RIIAD1: variants seen among roughly 807,000 people sequenced by gnomAD.
The protein encoded by RIIAD1 is regulatory subunit of type II PKA R-subunit domain containing 1.
Under a neutral mutation model 13.3 loss-of-function variants are expected in RIIAD1, and 15 were observed. The observed-to-expected ratio is 1.13, with a 90% confidence interval of 0.76 to 1.74. The LOEUF (loss-of-function observed/expected upper bound fraction) is 1.74, where lower values mean the gene tolerates loss of function less well. RIIAD1 is among the 40% of genes most tolerant of loss of function. RIIAD1 has a pLI of 0.00. For missense variants in RIIAD1, 121 were observed against 112.2 expected, an observed-to-expected ratio of 1.08 and a Z score of -0.35; for synonymous variants, 50 against 43.3, an observed-to-expected ratio of 1.16 and a Z score of -0.61.
At chr1:151,716,474 A>C in intron 4 of RIIAD1, 1 of 307,336 alleles carries the variant, frequency 3.3e-6, no homozygotes, top group Non-Finnish European at 6.5e-6. Flanking sequence ...GGTTGCCAGC[A>C]GCGTCAGTAA....
At chr1:151,719,479 A>G (rs1019891149), upstream of RIIAD1, 10 of 594,922 alleles carry the variant, frequency 1.7e-5, no homozygotes, top group African/African-American at 1.5e-4. Flanking sequence ...TTAGATTCTT[A>G]GGAAATGAGA....
chr1:151,719,574 T>C (rs1027955621), upstream of RIIAD1: 33 of 701,194 alleles, frequency 4.7e-5, 1 homozygote, highest in Admixed American at 6.4e-4. Flanking sequence ...AAGTACTTAC[T>C]GGCTTCCCTG....
chr1:151,721,545 G>T lies in RIIAD1; in HGVS notation c.9G>T (p.Thr3=). Residue 3 remains threonine (T), a synonymous_variant, in exon 1 of 5, where the codon ACG becomes ACT. Coordinates refer to ENST00000479191, the MANE Select transcript of RIIAD1 (RefSeq NM_001144956.3). ...TTGACGACCGCAGCAAGATGGAGAC[G>T]CTGCCAGGCTTGCTGCAGCGGCCCG... The part of the protein sequence containing the change: ME[T]LPGLLQRPDP... 7.6e-7 allele frequency: 1 copy of T among 1,324,262 alleles called. No individual in the cohort carries two copies. The highest frequency in any genetic ancestry group is 9.7e-7 in the Non-Finnish European group (1 of 1,035,772). 82.0% of individuals were successfully genotyped at this position (1,324,262 alleles called of 1,614,324 possible). A position where few individuals can be genotyped will look rare whatever the true frequency, so the allele number is the denominator to read the frequency against.
chr1:151,715,863 C>T, intron 4 of RIIAD1: 1 of 1,608,156 alleles, frequency 6.2e-7, no homozygotes, highest in Non-Finnish European at 8.5e-7. Context: ...CTTCAGCCTG[C>T]CCGACCCCTC....
intron 1 of RIIAD1, 39 bp from the exon 2 acceptor site, chr1:151,722,047 G>A (rs1413866481): frequency 1.4e-6 from 2 of 1,411,520 alleles, no homozygotes; most frequent in Non-Finnish European, 2.0e-6. Flanking sequence ...CCCTGAATCT[G>A]TCTCCTAATG....
intron 2 of RIIAD1, among the ~76,000 whole-genome samples, chr1:151,712,725 A>C (rs1165950163): frequency 6.6e-6 from 1 of 152,206 alleles, no homozygotes; most frequent in East Asian, 1.9e-4. Flanking sequence ...TCTGCAGCCC[A>C]AAATATCACC....
intron 2 of RIIAD1, among the ~76,000 whole-genome samples, chr1:151,727,097 T>C (rs976580219): frequency 2.1e-4 from 32 of 152,072 alleles, no homozygotes; most frequent in Non-Finnish European, 2.6e-4. Flanking sequence ...GAAACCAGCC[T>C]GGGCCACATA....
intron 3 of RIIAD1, 60 bp from the exon 4 acceptor site, chr1:151,728,706 C>T: frequency 9.8e-7 from 1 of 1,019,552 alleles, no homozygotes; most frequent in Non-Finnish European, 1.5e-6. Flanking sequence ...TGTCTCCTTC[C>T]ATGGGTAAAT....
chr1:151,721,494 G>C (rs1252151025), upstream of RIIAD1: 3 of 1,207,088 alleles, frequency 2.5e-6, no homozygotes, highest in Non-Finnish European at 3.2e-6. Context: ...CGGGGGCGGG[G>C]CCTCGCCGGC....
At chr1:151,721,169 A>C (rs1673727203), upstream of RIIAD1, among the ~76,000 whole-genome samples, 1 of 152,122 alleles carries the variant, frequency 6.6e-6, no homozygotes, top group Non-Finnish European at 1.5e-5. Flanking sequence ...GTGGAAAGGG[A>C]AGAAGCTTGG....
chr1:151,725,444 G>A (rs74228553), intron 2 of RIIAD1, among the ~76,000 whole-genome samples: 13,708 of 152,128 alleles, frequency 0.09, 655 homozygotes, highest in Non-Finnish European at 0.11. Flanking sequence ...GTTCCACAAC[G>A]TTGCTTTTTT....
upstream of RIIAD1, among the ~76,000 whole-genome samples, chr1:151,720,544 T>C (rs568715666): frequency 6.6e-5 from 10 of 152,356 alleles, no homozygotes; most frequent in African/African-American, 1.9e-4. Context: ...CTTTCACTTC[T>C]TTTCCTCAGT....
chr1:151,727,731 C>A, intron 3 of RIIAD1, 110 bp downstream of exon 3: 1 of 742,210 alleles, frequency 1.3e-6, no homozygotes, highest in Non-Finnish European at 2.3e-6. Flanking sequence ...TGGGGTACTC[C>A]TTCACCTGAT....
At chr1:151,715,524 A>G (rs1240617454) in intron 4 of RIIAD1, 6 of 683,386 alleles carry the variant, frequency 8.8e-6, no homozygotes, top group Non-Finnish European at 1.1e-5. Flanking sequence ...CTGCACACGC[A>G]CACACACACA....
intron 1 of RIIAD1, 70 bp downstream of exon 1, chr1:151,721,690 G>T (rs995006771): frequency 1.1e-6 from 1 of 919,988 alleles, no homozygotes; most frequent in South Asian, 3.1e-5. Flanking sequence ...GCCCCAGACT[G>T]GGAAGAGAGC....
chr1:151,717,831 A>G (rs1298709008), upstream of RIIAD1, among the ~76,000 whole-genome samples: 1 of 152,192 alleles, frequency 6.6e-6, no homozygotes, highest in Non-Finnish European at 1.5e-5. Flanking sequence ...TCCCCTGACC[A>G]TGGATACTTC....
At chr1:151,715,030 C>T (rs1673356106) in intron 4 of RIIAD1, among the ~76,000 whole-genome samples, 1 of 152,060 alleles carries the variant, frequency 6.6e-6, no homozygotes. Context: ...CTCCACCTCC[C>T]TCCATCTTGA....
At position 151,721,562 on chromosome 1, in the gene RIIAD1, A is replaced by G. The variant is rs1374061339; in HGVS notation, c.26A>G (p.Gln9Arg). The change falls in exon 1 of 5, where the codon CAG becomes CGG. Residue 9 changes from glutamine to arginine, a missense_variant. By Grantham distance (43) the Gln-to-Arg change is conservative. Transcript: ENST00000479191. ...ATGGAGACGCTGCCAGGCTTGCTGC[A>G]GCGGCCCGACCCCGGGGCGCTTAGC... is the stretch of plus-strand genomic sequence containing the variant. METLPGLL[Q>R]RPDPGALSAA... The G allele has an allele frequency of 8.3e-6, 11 of 1,329,238 alleles. No homozygotes were observed. In the East Asian group the frequency reaches 3.4e-4, roughly 41 times the overall value. The allele number at this position is 1,329,238 out of a possible 1,614,324, so 82.3% of individuals were successfully genotyped here.
chr1:151,718,763 C>T (rs150074691), upstream of RIIAD1, among the ~76,000 whole-genome samples: 3 of 152,254 alleles, frequency 2.0e-5, no homozygotes, highest in East Asian at 1.9e-4. Flanking sequence ...AAGCGAATGA[C>T]GGCAGAGCCA....
Sources: allele counts gnomAD v4.1 joint callset (sites outside exome capture counted in the v4.1 genomes callset), GRCh38; gene constraint gnomAD v4.1.1; transcripts MANE v1.5; gene names NCBI Gene and HGNC (gene_info 2026-07-23, HGNC 2026-07-21).